DPP10: variants seen among roughly 807,000 people sequenced by gnomAD.
DPP10 encodes the protein dipeptidyl peptidase like 10.
A neutral mutation model predicts 120.9 loss-of-function variants in DPP10; 33 were observed. That is an observed-to-expected ratio of 0.27 (90% CI 0.21 to 0.37). The LOEUF is 0.37. Among genes scored for constraint, DPP10 ranks in the 10% least tolerant of loss-of-function variants. DPP10 has a pLI of 1.00. For synonymous variants in DPP10, 337 were observed against 326.1 expected, an observed-to-expected ratio of 1.03 and a Z score of -0.36; for missense variants, 816 against 942.8, an observed-to-expected ratio of 0.87 and a Z score of 1.76.
chr2:115,287,236 G>A (rs2060441270), intron 1 of DPP10, among the ~76,000 whole-genome samples: 1 of 152,028 alleles, frequency 6.6e-6, no homozygotes, highest in African/African-American at 2.4e-5. Flanking sequence ...AAAAGTAATA[G>A]TCGAGTCATT....
At chr2:115,088,157 G>A (rs570136535) in intron 1 of DPP10, among the ~76,000 whole-genome samples, 30 of 152,204 alleles carry the variant, frequency 2.0e-4, no homozygotes, top group Non-Finnish European at 4.1e-4. Flanking sequence ...TCCCATTCAT[G>A]AGGGCTCCAC....
intron 1 of DPP10, among the ~76,000 whole-genome samples, chr2:114,629,297 A>C (rs546400614): frequency 6.6e-6 from 1 of 152,320 alleles, no homozygotes; most frequent in African/African-American, 2.4e-5. Flanking sequence ...TTGCTAACAC[A>C]CTGCTAATGG....
In DPP10 at chr2:114,911,172, G is replaced by T. The variant is rs13389941; in HGVS notation, c.61-398067G>T. 9.8e-3 allele frequency among the ~76,000 whole-genome samples: 1,492 copies of T among 152,036 alleles called. 20 individuals carry two copies. Among genetic ancestry groups the T allele is most frequent in the African/African-American group, 0.035 (1,438 of 41,480 alleles). On this transcript the variant is annotated intron_variant, in intron 1 of 25. Coordinates refer to ENST00000410059, the MANE Select transcript of DPP10 (RefSeq NM_020868.6). ...AGAAAATCCTCACTTTGATTTTATT[G>T]TTTGATTCTTTTATGTTCTCTTATT...
At chr2:115,446,522 T>G (rs981262739) in intron 3 of DPP10, among the ~76,000 whole-genome samples, 1 of 152,174 alleles carries the variant, frequency 6.6e-6, no homozygotes, top group Non-Finnish European at 1.5e-5. Flanking sequence ...TTCTGACCGA[T>G]TTCAGTCAGG....
At chr2:115,582,151 T>C (rs574385257) in intron 5 of DPP10, among the ~76,000 whole-genome samples, 1 of 152,294 alleles carries the variant, frequency 6.6e-6, no homozygotes, top group Non-Finnish European at 1.5e-5. Flanking sequence ...TATATTGGTA[T>C]GTTCCAAGGT....
intron 1 of DPP10, among the ~76,000 whole-genome samples, chr2:114,728,624 G>T (rs1186559311): frequency 6.6e-6 from 1 of 152,102 alleles, no homozygotes; most frequent in Admixed American, 6.5e-5. Context: ...TTTGGAGAGG[G>T]TTCACTAGAT....
intron 1 of DPP10, among the ~76,000 whole-genome samples, chr2:114,544,740 C>T (rs1327947912): frequency 6.6e-6 from 1 of 151,948 alleles, no homozygotes; most frequent in Non-Finnish European, 1.5e-5. Flanking sequence ...TAAGCTACTA[C>T]ATAGCAATAT....
At chr2:115,368,590 A>T (rs754286884) in intron 3 of DPP10, among the ~76,000 whole-genome samples, 23 of 152,010 alleles carry the variant, frequency 1.5e-4, no homozygotes, top group Non-Finnish European at 3.2e-4. Flanking sequence ...TCACTAATTC[A>T]AATTGAAAAA....
intron 1 of DPP10, among the ~76,000 whole-genome samples, chr2:114,956,348 A>G (rs1288047415): frequency 6.9e-6 from 1 of 145,022 alleles, no homozygotes; most frequent in African/African-American, 2.5e-5. Flanking sequence ...ACAGTAGAAT[A>G]AAGAATAAAT....
chr2:115,514,012 A>G (rs1344051831), intron 4 of DPP10, among the ~76,000 whole-genome samples: 1 of 151,930 alleles, frequency 6.6e-6, no homozygotes, highest in Non-Finnish European at 1.5e-5. Context: ...TTCCTTTATG[A>G]GAGAAAGTTT....
chr2:115,844,493 G>T lies in DPP10; in HGVS notation c.*2148G>T, dbSNP rs1690455495. On this transcript the variant is annotated 3_prime_UTR_variant, in exon 26 of 26. Transcript: ENST00000410059. ...AACACTAAAGAGACCTCAAGTGAAA[G>T]CATATTGCTTAGTAGGAAGGTAGAA... 6.6e-6 allele frequency: 1 copy of T among 152,396 alleles called. No individual in the cohort carries two copies. Among genetic ancestry groups the T allele is most frequent in the African/African-American group, 2.4e-5 (1 of 41,422 alleles). The allele number at this position is 152,396 out of a possible 1,614,324, so 9.4% of individuals were successfully genotyped here.
intron 1 of DPP10, among the ~76,000 whole-genome samples, chr2:114,587,919 A>G (rs144369950): frequency 1.3e-4 from 20 of 152,342 alleles, no homozygotes; most frequent in African/African-American, 4.8e-4. Flanking sequence ...AACAAGAAAC[A>G]TATTGATTTA....
chr2:114,544,751 A>G (rs1412268777), intron 1 of DPP10, among the ~76,000 whole-genome samples: 1 of 152,146 alleles, frequency 6.6e-6, no homozygotes, highest in African/African-American at 2.4e-5. Context: ...ATAGCAATAT[A>G]TTATTAATTT....
intron 19 of DPP10, among the ~76,000 whole-genome samples, chr2:115,802,585 T>G (rs548034138): frequency 1.7e-4 from 26 of 152,356 alleles, no homozygotes; most frequent in Non-Finnish European, 2.9e-4. Flanking sequence ...TAAATTTCCC[T>G]CTACACACTG....
intron 1 of DPP10, among the ~76,000 whole-genome samples, chr2:115,080,905 A>T (rs1365433174): frequency 6.6e-6 from 1 of 152,208 alleles, no homozygotes; most frequent in Non-Finnish European, 1.5e-5. Flanking sequence ...GATTATAATC[A>T]TTCTCTTTTA....
chr2:115,183,262 C>T (rs990144109), intron 1 of DPP10, among the ~76,000 whole-genome samples: 2 of 151,834 alleles, frequency 1.3e-5, no homozygotes, highest in African/African-American at 4.8e-5. Flanking sequence ...GTTTTTTATT[C>T]ACGGTATAAA....
intron 1 of DPP10, among the ~76,000 whole-genome samples, chr2:114,930,544 A>C (rs748051840): frequency 6.6e-5 from 10 of 152,194 alleles, no homozygotes; most frequent in Non-Finnish European, 1.2e-4. Context: ...TAAGTTCCTC[A>C]TTTCCATCTG....
chr2:115,221,244 G>A (rs921699440), intron 1 of DPP10, among the ~76,000 whole-genome samples: 3 of 152,058 alleles, frequency 2.0e-5, no homozygotes, highest in Non-Finnish European at 2.9e-5. Flanking sequence ...ATGCATAGAT[G>A]TATTGACTAA....
At chr2:115,239,762 C>T (rs2058180541) in intron 1 of DPP10, among the ~76,000 whole-genome samples, 1 of 152,044 alleles carries the variant, frequency 6.6e-6, no homozygotes, top group African/African-American at 2.4e-5. Context: ...AGCCCCCCAC[C>T]CTCCGACAGG....
Sources: allele counts gnomAD v4.1 joint callset (sites outside exome capture counted in the v4.1 genomes callset), GRCh38; gene constraint gnomAD v4.1.1; transcripts MANE v1.5; gene names NCBI Gene and HGNC (gene_info 2026-07-23, HGNC 2026-07-21).